RBFOX1: variants seen among roughly 807,000 people sequenced by gnomAD.
RBFOX1 encodes the protein RNA binding protein fox-1 homolog 1.
Under a neutral mutation model 57.7 loss-of-function variants are expected in RBFOX1, and 8 were observed. That is an observed-to-expected ratio of 0.14 (90% CI 0.08 to 0.25). RBFOX1 has a LOEUF of 0.25. Ranked by LOEUF, RBFOX1 falls within the 10% of genes least tolerant of loss-of-function variation. RBFOX1 has a pLI of 1.00. For missense variants in RBFOX1, 611 were observed against 548.5 expected (o/e 1.11, Z -1.14); for synonymous variants, 326 against 222.4 (o/e 1.47, Z -4.15).
At chr16:7,153,329 C>G (rs1467859328) in intron 4 of RBFOX1, among the ~76,000 whole-genome samples, 4 of 152,092 alleles carry the variant, frequency 2.6e-5, no homozygotes, top group Admixed American at 2.6e-4. Flanking sequence ...TAAACATGAT[C>G]TGATTTACTC....
intron 3 of RBFOX1, among the ~76,000 whole-genome samples, chr16:6,985,398 G>C (rs1339357093): frequency 2.0e-5 from 3 of 152,182 alleles, no homozygotes; most frequent in Admixed American, 2.0e-4. Flanking sequence ...GCTGGACAAG[G>C]TGACTCAGGA....
At chr16:7,677,931 T>C (rs2073818357) in intron 14 of RBFOX1, among the ~76,000 whole-genome samples, 1 of 152,204 alleles carries the variant, frequency 6.6e-6, no homozygotes, top group Non-Finnish European at 1.5e-5. Context: ...GTGGTGTGCT[T>C]TCTCTGCAGT....
At chr16:6,654,944 A>G (rs1036606010) in intron 3 of RBFOX1, among the ~76,000 whole-genome samples, 1 of 152,116 alleles carries the variant, frequency 6.6e-6, no homozygotes, top group Non-Finnish European at 1.5e-5. Context: ...CACTTGTCAC[A>G]TTGAACTTGA....
rs538999262 is a variant in RBFOX1, at chr16:6,128,961, A to T, written c.-127+108969A>T. ...CTAAGTTCAAGATGGAAACAGACCC[A>T]CCTGACAAAGGATAAAACCTAGCAC... On this transcript the variant is annotated intron_variant, in intron 1 of 15. Coordinates refer to ENST00000550418, the MANE Select transcript of RBFOX1 (RefSeq NM_018723.4). Among the ~76,000 whole-genome samples the T allele has an allele frequency of 3.9e-5, 6 of 152,336 alleles. No individual in the cohort carries two copies. The South Asian group carries it at 1.2e-3, about 32-fold the overall frequency.
intron 2 of RBFOX1, among the ~76,000 whole-genome samples, chr16:6,510,429 C>G (rs12933772): frequency 0.23 from 34,777 of 152,062 alleles, 4,614 homozygotes; most frequent in Non-Finnish European, 0.3. Context: ...GAGTCCCTGA[C>G]CTGGCTAAGC....
intron 1 of RBFOX1, among the ~76,000 whole-genome samples, chr16:5,297,545 G>T (rs1312555793): frequency 2.6e-5 from 4 of 152,078 alleles, no homozygotes; most frequent in Non-Finnish European, 5.9e-5. Flanking sequence ...GTCTTCTTTT[G>T]AGAAATGTCT....
intron 4 of RBFOX1, among the ~76,000 whole-genome samples, chr16:7,365,572 G>C (rs553366538): frequency 6.6e-6 from 1 of 152,250 alleles, no homozygotes; most frequent in African/African-American, 2.4e-5. Flanking sequence ...TGACATCTAC[G>C]GGATAGAGGC....
At chr16:6,312,080 C>G (rs552387252) in intron 1 of RBFOX1, among the ~76,000 whole-genome samples, 3 of 152,150 alleles carry the variant, frequency 2.0e-5, no homozygotes, top group East Asian at 1.9e-4. Context: ...AGGGTGGGTA[C>G]AAAATCCCAA....
At chr16:7,173,045 G>T (rs761350977) in intron 4 of RBFOX1, among the ~76,000 whole-genome samples, 5 of 152,128 alleles carry the variant, frequency 3.3e-5, no homozygotes, top group Non-Finnish European at 5.9e-5. Flanking sequence ...GTAGAAATAA[G>T]ATATTAGTAC....
At chr16:7,137,536 C>A (rs1263319859) in intron 4 of RBFOX1, among the ~76,000 whole-genome samples, 1 of 152,134 alleles carries the variant, frequency 6.6e-6, no homozygotes, top group Admixed American at 6.5e-5. Context: ...GTGAGGCTTC[C>A]CCAGCCACGT....
chr16:5,627,042 A>T (rs902338722), intron 3 of RBFOX1, among the ~76,000 whole-genome samples: 1 of 152,210 alleles, frequency 6.6e-6, no homozygotes, highest in Non-Finnish European at 1.5e-5. Flanking sequence ...TTTTATGTGA[A>T]TTAGACATCC....
chr16:6,623,509 A>G (rs2098263804), intron 2 of RBFOX1, among the ~76,000 whole-genome samples: 1 of 151,438 alleles, frequency 6.6e-6, no homozygotes, highest in African/African-American at 2.4e-5. Flanking sequence ...TTAGTTACAT[A>G]TGCATACGTT....
chr16:5,618,538 C>T (rs927397735), intron 3 of RBFOX1, among the ~76,000 whole-genome samples: 5 of 152,128 alleles, frequency 3.3e-5, no homozygotes, highest in African/African-American at 9.7e-5. Context: ...GGGGTTTCAC[C>T]GTGTTAGCCA....
At chr16:6,885,383 C>G (rs11645981) in intron 3 of RBFOX1, among the ~76,000 whole-genome samples, 1 of 151,992 alleles carries the variant, frequency 6.6e-6, no homozygotes, top group East Asian at 1.9e-4. Flanking sequence ...GAAGCATGCT[C>G]ATGAGTCAAA....
At chr16:5,691,285 A>G (rs991680923) in intron 3 of RBFOX1, among the ~76,000 whole-genome samples, 1 of 152,174 alleles carries the variant, frequency 6.6e-6, no homozygotes, top group African/African-American at 2.4e-5. Context: ...TGAAGCAGAA[A>G]CATTGTATGC....
chr16:6,446,657 A>T (rs1047436741), intron 2 of RBFOX1, among the ~76,000 whole-genome samples: 1 of 152,214 alleles, frequency 6.6e-6, no homozygotes, highest in African/African-American at 2.4e-5. Flanking sequence ...GGGAATAAGA[A>T]CATCTACTTT....
At chr16:6,661,606 A>T (rs1031567751) in intron 3 of RBFOX1, among the ~76,000 whole-genome samples, 2 of 152,154 alleles carry the variant, frequency 1.3e-5, no homozygotes, top group Non-Finnish European at 2.9e-5. Flanking sequence ...GAAAGTCAGC[A>T]GGGGAATAAG....
At chr16:6,229,021 A>C (rs2097437971) in intron 1 of RBFOX1, among the ~76,000 whole-genome samples, 1 of 152,152 alleles carries the variant, frequency 6.6e-6, no homozygotes, top group African/African-American at 2.4e-5. Flanking sequence ...GCTGTGCCCC[A>C]CAATTGTTGG....
chr16:7,214,397 T>C (rs538930995), intron 4 of RBFOX1, among the ~76,000 whole-genome samples: 168 of 152,248 alleles, frequency 1.1e-3, no homozygotes, highest in African/African-American at 4.0e-3. Flanking sequence ...TTCTTTGTCC[T>C]CCTTAATTCC....
Sources: allele counts gnomAD v4.1 joint callset (sites outside exome capture counted in the v4.1 genomes callset), GRCh38; gene constraint gnomAD v4.1.1; transcripts MANE v1.5; gene names NCBI Gene and HGNC (gene_info 2026-07-23, HGNC 2026-07-21).